RAB18: variants seen among roughly 807,000 people sequenced by gnomAD.
RAB18 encodes RAB18, member RAS oncogene family.
In RAB18, 10 loss-of-function variants were observed where a neutral mutation model predicts 28.5. The observed-to-expected ratio is 0.35, with a 90% confidence interval of 0.22 to 0.60. The LOEUF (loss-of-function observed/expected upper bound fraction) is 0.60, where lower values mean the gene tolerates loss of function less well. RAB18 is among the 20% of genes least tolerant of loss of function. The pLI, the probability that RAB18 is intolerant of heterozygous loss-of-function variation, is 0.78. For synonymous variants in RAB18, 93 were observed against 86.9 expected (o/e 1.07, Z -0.39); for missense variants, 188 against 244.2 (o/e 0.77, Z 1.53).
intron 2 of RAB18, among the ~76,000 whole-genome samples, chr10:27,512,934 A>G (rs909782687): frequency 6.6e-6 from 1 of 151,732 alleles, no homozygotes; most frequent in Non-Finnish European, 1.5e-5. Flanking sequence ...TTGTTCCCCA[A>G]ATAGGCCCTA....
At position 27,541,880 on chromosome 10, in the gene RAB18, C is replaced by G; in HGVS notation, c.*3829C>G. On this transcript the variant is annotated 3_prime_UTR_variant, in exon 7 of 7. Coordinates refer to ENST00000356940, the MANE Select transcript of RAB18 (RefSeq NM_021252.5). The stretch of plus-strand genomic sequence containing the variant: ...GCATGTGGTTTGGGTGGCATTGTCA[C>G]ACCCTCGGCTTTCTAGATTAACCCA... 2.2e-6 allele frequency: 1 copy of G among 449,886 alleles called. No individual in the cohort carries two copies. The highest frequency in any genetic ancestry group is 1.6e-5 in the South Asian group (1 of 64,004). 27.9% of individuals were successfully genotyped at this position (449,886 alleles called of 1,614,324 possible).
chr10:27,538,141 C>G lies in RAB18; in HGVS notation c.*90C>G, dbSNP rs1335429666. ...TTTAACTGCTATTTTAGGGACCTTG[C>G]AGTTTGCACATAATTGTTTTATATC... On this transcript the variant is annotated 3_prime_UTR_variant, in exon 7 of 7. Coordinates refer to ENST00000356940, the MANE Select transcript of RAB18 (RefSeq NM_021252.5). 6.7e-7 allele frequency: 1 copy of G among 1,501,698 alleles called. No homozygotes were observed. Among genetic ancestry groups the G allele is most frequent in the African/African-American group, 1.4e-5 (1 of 72,482 alleles). 93.0% of individuals were successfully genotyped at this position (1,501,698 alleles called of 1,614,324 possible).
intron 4 of RAB18, among the ~76,000 whole-genome samples, chr10:27,533,310 T>G (rs1329529008): frequency 6.6e-6 from 1 of 152,050 alleles, no homozygotes; most frequent in Non-Finnish European, 1.5e-5. Flanking sequence ...CTGTAAATTT[T>G]GGTTCTTGTA....
intron 2 of RAB18, among the ~76,000 whole-genome samples, chr10:27,513,769 C>T (rs1166291398): frequency 2.0e-5 from 3 of 152,150 alleles, no homozygotes; most frequent in African/African-American, 2.4e-5. Flanking sequence ...AAGAAACACC[C>T]ATGAAACTGC....
At chr10:27,516,817 A>G (rs994512113) in intron 2 of RAB18, among the ~76,000 whole-genome samples, 1 of 152,212 alleles carries the variant, frequency 6.6e-6, no homozygotes, top group Non-Finnish European at 1.5e-5. Context: ...TAATAATTCA[A>G]ATTATCAGCT....
chr10:27,522,274 T>A (rs1338404617), intron 2 of RAB18, among the ~76,000 whole-genome samples: 1 of 152,224 alleles, frequency 6.6e-6, no homozygotes, highest in African/African-American at 2.4e-5. Context: ...AATTGTTGTA[T>A]CTTCTTGAGA....
At chr10:27,504,667 C>A in intron 1 of RAB18, 1 of 735,168 alleles carries the variant, frequency 1.4e-6, no homozygotes, top group South Asian at 1.4e-5. Flanking sequence ...CTCTGGGTCG[C>A]TCTCCCTCCT....
intron 6 of RAB18, among the ~76,000 whole-genome samples, chr10:27,535,852 C>A (rs1036724522): frequency 6.6e-6 from 1 of 151,996 alleles, no homozygotes; most frequent in African/African-American, 2.4e-5. Context: ...TTTGGGAGGC[C>A]GAGGCAGGCG....
chr10:27,536,681 A>G (rs1834907168), intron 6 of RAB18, among the ~76,000 whole-genome samples: 1 of 152,244 alleles, frequency 6.6e-6, no homozygotes, highest in African/African-American at 2.4e-5. Flanking sequence ...AGGCATGTTC[A>G]GTGTCCTGGA....
chr10:27,526,677 C>A, intron 2 of RAB18, 151 bp from the exon 3 acceptor site: 1 of 903,508 alleles, frequency 1.1e-6, no homozygotes, highest in South Asian at 1.6e-5. Context: ...ATTTTAATGA[C>A]ACTTTTTATC....
chr10:27,531,236 ATC>A (rs753693692), intron 3 of RAB18, among the ~76,000 whole-genome samples: 1 of 151,990 alleles, frequency 6.6e-6, no homozygotes, highest in Non-Finnish European at 1.5e-5. Flanking sequence ...ATGTAAGTGT[ATC>A]TGTGGAAGAG....
At chr10:27,510,008 C>G (rs1834294822) in intron 2 of RAB18, 78 bp downstream of exon 2, 2 of 1,130,908 alleles carry the variant, frequency 1.8e-6, no homozygotes. Flanking sequence ...AATCCTTCTA[C>G]CTTCCTCTCA....
At chr10:27,526,516 A>G (rs1303895609) in intron 2 of RAB18, among the ~76,000 whole-genome samples, 1 of 152,198 alleles carries the variant, frequency 6.6e-6, no homozygotes, top group African/African-American at 2.4e-5. Context: ...TGAGCATTGT[A>G]ATTGCAGCTC....
At chr10:27,513,054 C>G (rs1320046082) in intron 2 of RAB18, among the ~76,000 whole-genome samples, 2 of 138,114 alleles carry the variant, frequency 1.4e-5, no homozygotes, top group South Asian at 4.6e-4. Context: ...TTTTTGGAGA[C>G]AAGAGTCTCG....
intron 2 of RAB18, among the ~76,000 whole-genome samples, chr10:27,522,979 T>A (rs1834592152): frequency 6.6e-6 from 1 of 152,072 alleles, no homozygotes; most frequent in South Asian, 2.1e-4. Context: ...TTGATTTTTG[T>A]TGTTGTTTTT....
At position 27,542,200 on chromosome 10, in the gene RAB18, A is replaced by C; in HGVS notation, c.*4149A>C. 2.2e-6 allele frequency: 1 copy of C among 454,100 alleles called. No individual in the cohort carries two copies. The highest frequency in any genetic ancestry group is 4.4e-6 in the Non-Finnish European group (1 of 226,782). The allele number at this position is 454,100 out of a possible 1,614,324, so 28.1% of individuals were successfully genotyped here. On this transcript the variant is annotated 3_prime_UTR_variant, in exon 7 of 7. Transcript: ENST00000356940. ...AATTGAGATCTATTTCTCAGCTTTC[A>C]CTTATGTGAGCCAATAAATTCCTTT...
chr10:27,531,755 G>T, intron 3 of RAB18: 1 of 521,736 alleles, frequency 1.9e-6, no homozygotes, highest in Non-Finnish European at 3.4e-6. Context: ...AAGGAATTGG[G>T]CCCGGAAGTA....
At chr10:27,510,653 A>G (rs995666654) in intron 2 of RAB18, among the ~76,000 whole-genome samples, 5 of 152,218 alleles carry the variant, frequency 3.3e-5, no homozygotes, top group Admixed American at 6.5e-5. Flanking sequence ...TTTGCCTTGA[A>G]TTACATGTAA....
Position 27,539,564 on chromosome 10 carries a change from A to G in RAB18, c.*1513A>G, listed in dbSNP as rs1315189833. 2.4e-5 allele frequency: 10 copies of G among 415,986 alleles called. No homozygotes were observed. Among genetic ancestry groups the G allele is most frequent in the Non-Finnish European group, 4.2e-5 (9 of 213,206 alleles). The allele number at this position is 415,986 out of a possible 1,614,324, so 25.8% of individuals were successfully genotyped here. Reference sequence around the variant, plus strand: ...AAGATTTACTACTAGAAATTTGGAGAAAGAACACTAACACATGTACTTGTG... The same window carrying G: ...AAGATTTACTACTAGAAATTTGGAGGAAGAACACTAACACATGTACTTGTG... On this transcript the variant is annotated 3_prime_UTR_variant, in exon 7 of 7. Coordinates refer to ENST00000356940, the MANE Select transcript of RAB18 (RefSeq NM_021252.5).
Sources: gnomAD v4.1 joint callset for allele counts (sites outside exome capture counted in the v4.1 genomes callset) on GRCh38, gnomAD v4.1.1 for gene constraint, MANE v1.5 for transcripts, NCBI Gene and HGNC (gene_info 2026-07-23, HGNC 2026-07-21) for gene names.